Variants in LIPH observed in about 807,000 individuals in gnomAD.
The protein encoded by LIPH is lipase member H.
In LIPH, 32 loss-of-function variants were observed where a neutral mutation model predicts 47.6. The ratio of observed to expected loss-of-function variants is 0.67; its 90% CI spans 0.51 to 0.90. The LOEUF is 0.90. Ranked by LOEUF, LIPH falls within the 40% of genes least tolerant of loss-of-function variation. The probability of loss-of-function intolerance (pLI) is 0.00; values close to 1 mark genes in which losing one functional copy is unlikely to be tolerated. For missense variants in LIPH, 497 were observed against 541.4 expected, an observed-to-expected ratio of 0.92 and a Z score of 0.81; for synonymous variants, 190 against 195.6, an observed-to-expected ratio of 0.97 and a Z score of 0.24.
chr3:185,519,796 C>T (rs1472036991), intron 5 of LIPH, among the ~76,000 whole-genome samples: 2 of 114,804 alleles, frequency 1.7e-5, no homozygotes, highest in African/African-American at 3.4e-5. Context: ...GAGATTGTGC[C>T]ATTGCACTCC....
At chr3:185,547,402 G>T (rs1158022260) in intron 1 of LIPH, among the ~76,000 whole-genome samples, 1 of 152,122 alleles carries the variant, frequency 6.6e-6, no homozygotes, top group Non-Finnish European at 1.5e-5. Flanking sequence ...TGGTTTCTAA[G>T]GTGTGCTTGA....
intron 1 of LIPH, among the ~76,000 whole-genome samples, chr3:185,551,827 T>C (rs1464634185): frequency 6.6e-6 from 1 of 152,152 alleles, no homozygotes; most frequent in Non-Finnish European, 1.5e-5. Flanking sequence ...TTTAAGCATT[T>C]CACTTTATTT....
Position 185,534,760 on chromosome 3 carries a change from C to T in LIPH, c.417+5G>A. 1.2e-6 allele frequency: 2 copies of T among 1,613,176 alleles called. No homozygotes were observed. The highest frequency in any genetic ancestry group is 8.5e-7 in the Non-Finnish European group (1 of 1,179,996). On this transcript the variant is annotated splice_donor_5th_base_variant and intron_variant, in intron 2 of 9. Transcript: ENST00000296252. ...GCTCTGAATCATCTAAGAGAATTCT[C>T]TTACCAACATCTGGTCAATAAATTC...
intron 1 of LIPH, among the ~76,000 whole-genome samples, chr3:185,541,298 T>A (rs968678043): frequency 6.6e-6 from 1 of 152,152 alleles, no homozygotes; most frequent in African/African-American, 2.4e-5. Context: ...TGCTCCTTGA[T>A]CCTTCCTTCA....
chr3:185,529,847 G>A (rs750405378), intron 3 of LIPH, among the ~76,000 whole-genome samples: 10 of 150,770 alleles, frequency 6.6e-5, no homozygotes, highest in Non-Finnish European at 1.2e-4. Flanking sequence ...CCATGATTGT[G>A]CCATTGCCCT....
At chr3:185,547,305 C>T (rs1048557053) in intron 1 of LIPH, among the ~76,000 whole-genome samples, 7 of 152,114 alleles carry the variant, frequency 4.6e-5, no homozygotes, top group South Asian at 2.1e-4. Flanking sequence ...GTCAATTTCA[C>T]GTCCTACATG....
intron 1 of LIPH, among the ~76,000 whole-genome samples, chr3:185,549,690 G>A (rs755040549): frequency 6.6e-6 from 1 of 152,142 alleles, no homozygotes; most frequent in Non-Finnish European, 1.5e-5. Flanking sequence ...GATACAGACA[G>A]GGCGGGAAAA....
chr3:185,511,774 C>G, intron 8 of LIPH, 77 bp from the exon 9 acceptor site: 1 of 956,072 alleles, frequency 1.0e-6, no homozygotes, highest in South Asian at 1.3e-5. Flanking sequence ...CTGCAAGTCA[C>G]TGGTAAGCTG....
In LIPH at chr3:185,520,434, T is replaced by G. The variant is rs576337240; in HGVS notation, c.719-1125A>C. On this transcript the variant is annotated intron_variant, in intron 5 of 9. Transcript: ENST00000296252. Reference sequence around the variant, plus strand: ...TGGGAGGCTGAGGCAGGAGAATCGCTTGAACCTGGAAGGCGGAGGTTGCAG... The same window carrying G: ...TGGGAGGCTGAGGCAGGAGAATCGCGTGAACCTGGAAGGCGGAGGTTGCAG... Among the ~76,000 whole-genome samples, 109 of 151,982 alleles carry G rather than the reference T, an allele frequency of 7.2e-4. 2 individuals are homozygous for G. The East Asian group carries it at 0.018, about 25-fold the overall frequency.
At chr3:185,548,340 G>T (rs1720944087) in intron 1 of LIPH, among the ~76,000 whole-genome samples, 1 of 151,950 alleles carries the variant, frequency 6.6e-6, no homozygotes, top group Non-Finnish European at 1.5e-5. Context: ...GGGAGGCGGA[G>T]GTTGCAATGA....
At chr3:185,531,556 C>CA (rs1204988383) in intron 3 of LIPH, among the ~76,000 whole-genome samples, 1,939 of 73,026 alleles carry the variant, frequency 0.027, 22 homozygotes, top group Middle Eastern at 0.093. Context: ...GACTCTGTCT[C>CA]AAAAAAAAAA....
chr3:185,529,880 C>T (rs1202005600), intron 3 of LIPH, among the ~76,000 whole-genome samples: 1 of 133,944 alleles, frequency 7.5e-6, no homozygotes, highest in Non-Finnish European at 1.6e-5. Flanking sequence ...ACAGACCAAG[C>T]AAGAGAGAGA....
intron 3 of LIPH, among the ~76,000 whole-genome samples, chr3:185,529,981 AGAG>A: frequency 6.7e-6 from 1 of 148,854 alleles, no homozygotes; most frequent in South Asian, 2.1e-4. Flanking sequence ...AAAGAAAGAG[AGAG>A]AGAGAGAAAA....
chr3:185,536,279 G>A (rs976198051), intron 1 of LIPH, among the ~76,000 whole-genome samples: 2 of 152,088 alleles, frequency 1.3e-5, no homozygotes, highest in African/African-American at 4.8e-5. Flanking sequence ...GCTCCAAGTG[G>A]GAGATGATGA....
chr3:185,543,943 C>G (rs557573745), intron 1 of LIPH, among the ~76,000 whole-genome samples: 1 of 150,282 alleles, frequency 6.7e-6, no homozygotes, highest in Non-Finnish European at 1.5e-5. Context: ...CTCCACCTCC[C>G]GGGTTCAAGT....
At chr3:185,551,284 T>A (rs1039646762) in intron 1 of LIPH, among the ~76,000 whole-genome samples, 1 of 152,196 alleles carries the variant, frequency 6.6e-6, no homozygotes, top group Non-Finnish European at 1.5e-5. Flanking sequence ...TTCAAAACCA[T>A]ATATAAAGAA....
chr3:185,522,213 C>T (rs1484478866), intron 5 of LIPH, among the ~76,000 whole-genome samples: 1 of 152,186 alleles, frequency 6.6e-6, no homozygotes, highest in Non-Finnish European at 1.5e-5. Flanking sequence ...AGAACTGCAA[C>T]CACTTGTAAA....
rs1363738711 is a variant in LIPH, at chr3:185,517,181, A to G, written c.887-19T>C. ...TAATAGCCTATGAAACAAGTTTAAAAAATTGTAAGATTAATATGTATTATA... is the reference window on the plus strand; with the variant it reads ...TAATAGCCTATGAAACAAGTTTAAAGAATTGTAAGATTAATATGTATTATA... On this transcript the variant is annotated intron_variant, in intron 6 of 9. Transcript: ENST00000296252. 3.0e-6 allele frequency: 4 copies of G among 1,316,748 alleles called. No homozygotes were observed. In the African/African-American group the frequency reaches 5.8e-5, roughly 19 times the overall value. 81.6% of individuals were successfully genotyped at this position (1,316,748 alleles called of 1,614,324 possible). A position where few individuals can be genotyped will look rare whatever the true frequency, so the allele number is the denominator to read the frequency against.
intron 3 of LIPH, among the ~76,000 whole-genome samples, chr3:185,533,185 A>G (rs980307533): frequency 7.2e-5 from 11 of 152,144 alleles, no homozygotes; most frequent in Non-Finnish European, 1.2e-4. Flanking sequence ...TTTTCTTATG[A>G]GACTCCAGCT....
Sources: allele counts gnomAD v4.1 joint callset (sites outside exome capture counted in the v4.1 genomes callset), GRCh38; gene constraint gnomAD v4.1.1; transcripts MANE v1.5; gene names NCBI Gene and HGNC (gene_info 2026-07-23, HGNC 2026-07-21).